The following THSD7B variants were observed in gnomAD, a reference collection of about 807,000 sequenced individuals.
THSD7B encodes the protein thrombospondin type 1 domain containing 7B, also known as thrombospondin type-1 domain-containing protein 7B.
A neutral mutation model predicts 213.6 loss-of-function variants in THSD7B; 138 were observed. That is an observed-to-expected ratio of 0.65 (90% CI 0.56 to 0.74). The LOEUF is 0.74. Ranked by LOEUF, THSD7B falls within the 30% of genes least tolerant of loss-of-function variation. THSD7B has a pLI of 0.00. For synonymous variants in THSD7B, 742 were observed against 687.0 expected, an observed-to-expected ratio of 1.08 and a Z score of -1.25; for missense variants, 1,931 against 1,991.5, an observed-to-expected ratio of 0.97 and a Z score of 0.58.
intron 12 of THSD7B, among the ~76,000 whole-genome samples, chr2:137,285,078 G>A (rs888321762): frequency 2.0e-5 from 3 of 152,202 alleles, no homozygotes; most frequent in African/African-American, 4.8e-5. Context: ...ATGAATCTGG[G>A]TGCTCCCGTA....
chr2:137,571,619 C>G (rs1681356225), intron 16 of THSD7B, among the ~76,000 whole-genome samples: 1 of 152,104 alleles, frequency 6.6e-6, no homozygotes, highest in African/African-American at 2.4e-5. Context: ...CAATTTAATC[C>G]ATTTTGGCAA....
intron 1 of THSD7B, among the ~76,000 whole-genome samples, chr2:136,796,617 G>A (rs1682070122): frequency 6.6e-6 from 1 of 151,864 alleles, no homozygotes; most frequent in African/African-American, 2.4e-5. Context: ...CAGAGATTAA[G>A]TTCTAAATTA....
intron 12 of THSD7B, among the ~76,000 whole-genome samples, chr2:137,303,730 A>ATATATATTTTTT (rs1553437376): frequency 6.3e-5 from 8 of 126,686 alleles, no homozygotes; most frequent in Non-Finnish European, 9.5e-5. Context: ...ATATATATTT[A>ATATATATTTTTT]TATATATATT....
At chr2:137,112,255 G>A (rs1303686233) in intron 4 of THSD7B, among the ~76,000 whole-genome samples, 1 of 151,996 alleles carries the variant, frequency 6.6e-6, no homozygotes, top group African/African-American at 2.4e-5. Context: ...AAAAGGTTGA[G>A]CAAAGACTAT....
At chr2:137,387,318 A>G (rs924973142) in intron 12 of THSD7B, among the ~76,000 whole-genome samples, 3 of 152,168 alleles carry the variant, frequency 2.0e-5, no homozygotes, top group Non-Finnish European at 4.4e-5. Context: ...TCATTCCCTA[A>G]CAAGGATACT....
At chr2:137,048,657 A>C (rs534865613) in intron 2 of THSD7B, among the ~76,000 whole-genome samples, 1 of 152,218 alleles carries the variant, frequency 6.6e-6, no homozygotes, top group Non-Finnish European at 1.5e-5. Flanking sequence ...GCTTGTATGC[A>C]TAGTCCCAAC....
At chr2:137,587,103 T>C (rs1362697281) in intron 17 of THSD7B, among the ~76,000 whole-genome samples, 1 of 152,246 alleles carries the variant, frequency 6.6e-6, no homozygotes, top group African/African-American at 2.4e-5. Context: ...CAATCACTGA[T>C]ACCCTTTCTT....
intron 12 of THSD7B, among the ~76,000 whole-genome samples, chr2:137,302,600 G>A (rs551954229): frequency 1.3e-5 from 2 of 152,088 alleles, no homozygotes; most frequent in Non-Finnish European, 2.9e-5. Context: ...TTGATGTGAA[G>A]GGAACAGAGA....
chr2:136,843,659 CT>C (rs1558823548), intron 1 of THSD7B, among the ~76,000 whole-genome samples: 1 of 152,164 alleles, frequency 6.6e-6, no homozygotes, highest in Non-Finnish European at 1.5e-5. Context: ...CTTGCATCTA[CT>C]TTTACTGATA....
At chr2:137,438,427 T>C (rs941272121) in intron 14 of THSD7B, among the ~76,000 whole-genome samples, 1 of 152,158 alleles carries the variant, frequency 6.6e-6, no homozygotes, top group East Asian at 1.9e-4. Flanking sequence ...GCATTTTCTA[T>C]AAAAGTCTAG....
intron 2 of THSD7B, among the ~76,000 whole-genome samples, chr2:136,972,041 T>A (rs2104800347): frequency 6.6e-6 from 1 of 152,284 alleles, no homozygotes; most frequent in Non-Finnish European, 1.5e-5. Context: ...CTAGGAAACC[T>A]TTCCTGGTAG....
At chr2:137,551,768 A>T (rs1018530756) in intron 15 of THSD7B, among the ~76,000 whole-genome samples, 1 of 152,138 alleles carries the variant, frequency 6.6e-6, no homozygotes, top group Non-Finnish European at 1.5e-5. Flanking sequence ...GGAAGCTCAG[A>T]GTATTCTGAG....
intron 3 of THSD7B, among the ~76,000 whole-genome samples, chr2:137,076,578 G>A (rs567003862): frequency 5.9e-5 from 9 of 152,336 alleles, no homozygotes; most frequent in East Asian, 1.9e-4. Context: ...CTGGCGCACA[G>A]TGCGCTGCAC....
chr2:136,895,514 CTTTTTTTTT>C (rs71301798), intron 2 of THSD7B, among the ~76,000 whole-genome samples: 36 of 73,908 alleles, frequency 4.9e-4, no homozygotes, highest in South Asian at 7.3e-4. Flanking sequence ...CAAGTGGAGA[CTTTTTTTTT>C]TTTTTTTTTT....
intron 7 of THSD7B, among the ~76,000 whole-genome samples, chr2:137,207,434 A>G (rs940156106): frequency 1.3e-5 from 2 of 152,226 alleles, no homozygotes; most frequent in Non-Finnish European, 1.5e-5. Flanking sequence ...ATCAAGAACT[A>G]CTGAATTAGT....
At chr2:137,256,835 A>C (rs538788909) in intron 10 of THSD7B, among the ~76,000 whole-genome samples, 3 of 152,360 alleles carry the variant, frequency 2.0e-5, no homozygotes, top group Non-Finnish European at 4.4e-5. Flanking sequence ...AAGTTATCTT[A>C]GTCTGTTTTC....
chr2:136,894,372 A>C (rs1366374645), intron 2 of THSD7B, among the ~76,000 whole-genome samples: 1 of 152,218 alleles, frequency 6.6e-6, no homozygotes, highest in Non-Finnish European at 1.5e-5. Context: ...GACACTACAT[A>C]CAAGGCAGGT....
chr2:137,127,437 G>T (rs1688651719), intron 5 of THSD7B, among the ~76,000 whole-genome samples: 1 of 152,102 alleles, frequency 6.6e-6, no homozygotes, highest in African/African-American at 2.4e-5. Flanking sequence ...TTTGGAAATT[G>T]TCAAATGTAC....
At chr2:137,565,220 T>C (rs1681210938) in intron 16 of THSD7B, among the ~76,000 whole-genome samples, 1 of 152,162 alleles carries the variant, frequency 6.6e-6, no homozygotes, top group South Asian at 2.1e-4. Context: ...TGTGGTATTT[T>C]ATTATGGTAT....
Sources: allele counts gnomAD v4.1 joint callset (sites outside exome capture counted in the v4.1 genomes callset), GRCh38; gene constraint gnomAD v4.1.1; transcripts MANE v1.5; gene names NCBI Gene and HGNC (gene_info 2026-07-23, HGNC 2026-07-21).